The following CCDC6 variants were observed in gnomAD, a reference collection of about 807,000 sequenced individuals.
CCDC6 encodes coiled-coil domain containing 6.
Under a neutral mutation model 56.6 loss-of-function variants are expected in CCDC6, and 20 were observed. The observed-to-expected ratio is 0.35, with a 90% CI of 0.25 to 0.51. The LOEUF (loss-of-function observed/expected upper bound fraction) is 0.51, where lower values mean the gene tolerates loss of function less well. Ranked by LOEUF, CCDC6 falls within the 20% of genes least tolerant of loss-of-function variation. CCDC6 has a pLI of 0.95. For missense variants in CCDC6, 367 were observed against 601.1 expected, an observed-to-expected ratio of 0.61 and a Z score of 4.07; for synonymous variants, 241 against 234.4, an observed-to-expected ratio of 1.03 and a Z score of -0.26.
At chr10:59,810,492 G>A (rs758753453) in intron 5 of CCDC6, among the ~76,000 whole-genome samples, 16 of 152,108 alleles carry the variant, frequency 1.1e-4, no homozygotes, top group Non-Finnish European at 1.3e-4. Context: ...GTATAAAGGA[G>A]GAGGAAAAAT....
chr10:59,806,422 T>TA (rs1339212642), intron 6 of CCDC6: 3 of 152,448 alleles, frequency 2.0e-5, no homozygotes, highest in Admixed American at 1.3e-4. Flanking sequence ...TATTTTTTTT[T>TA]AAGTGGCTAC....
chr10:59,859,186 ATAC>A (rs1421771468), intron 1 of CCDC6, among the ~76,000 whole-genome samples: 3 of 117,542 alleles, frequency 2.6e-5, no homozygotes, highest in African/African-American at 1.2e-4. Flanking sequence ...GGAAAAAAAA[ATAC>A]ATGTGTGTGC....
rs141839395 is a variant in CCDC6 at position 59,897,136 on chromosome 10, A to C, written c.303+8986T>G. Reference sequence around the variant, plus strand: ...GGCTACTAAATGAAGTGAAGACACGATGTTTTGACTCAACGGATGTCTTTG... The same window carrying C: ...GGCTACTAAATGAAGTGAAGACACGCTGTTTTGACTCAACGGATGTCTTTG... On this transcript the variant is annotated intron_variant, in intron 1 of 8. Transcript: ENST00000263102. Among the ~76,000 whole-genome samples, 25 of 152,306 alleles carry C rather than the reference A, an allele frequency of 1.6e-4. No individual in the cohort carries two copies. The East Asian group carries it at 4.6e-3, about 28-fold the overall frequency.
intron 1 of CCDC6, among the ~76,000 whole-genome samples, chr10:59,862,246 T>C (rs994627571): frequency 1.3e-5 from 2 of 151,914 alleles, no homozygotes; most frequent in Non-Finnish European, 2.9e-5. Context: ...CAGCACTGTG[T>C]GACCCCGAGG....
At position 59,794,494 on chromosome 10, in the gene CCDC6, C is replaced by A. The variant is rs768625365; in HGVS notation, c.1209G>T (p.Met403Ile). The A allele has an allele frequency of 1.2e-6, 2 of 1,614,148 alleles. No individual in the cohort carries two copies. The highest frequency in any genetic ancestry group is 2.2e-5 in the South Asian group (2 of 91,070). Residue 403 changes from methionine to isoleucine, a missense_variant, in exon 8 of 9, where the codon ATG becomes ATT. Met to Ile is a conservative substitution (Grantham distance 10, BLOSUM62 1). This residue lies in a region of CCDC6 where 79 missense variants were observed against 83.9 expected (regional missense o/e 0.94). Coordinates refer to ENST00000263102, the MANE Select transcript of CCDC6 (RefSeq NM_005436.5). ...TTACTGTGATACCATGGGATGTTCC[C>A]ATGTGCTGCACGTGAAGACCCGGGG... ...YNSPGLHVQH[M>I]GTSHGITRPS...
chr10:59,840,833 GA>G (rs2070931508), intron 2 of CCDC6, among the ~76,000 whole-genome samples: 1 of 152,074 alleles, frequency 6.6e-6, no homozygotes, highest in Admixed American at 6.5e-5. Context: ...AATGTACCCA[GA>G]ATCCAAAGTT....
chr10:59,854,674 C>G (rs2071066493), intron 1 of CCDC6, among the ~76,000 whole-genome samples: 1 of 152,176 alleles, frequency 6.6e-6, no homozygotes, highest in South Asian at 2.1e-4. Flanking sequence ...TTCTCCTCCC[C>G]CTTTAAATCA....
chr10:59,812,125 C>A (rs2070678330), intron 5 of CCDC6, among the ~76,000 whole-genome samples: 1 of 147,640 alleles, frequency 6.8e-6, no homozygotes, highest in African/African-American at 2.5e-5. Context: ...GGGACATAAT[C>A]AAATATTCAG....
chr10:59,823,028 G>A (rs1231493413), intron 3 of CCDC6, among the ~76,000 whole-genome samples: 2 of 152,132 alleles, frequency 1.3e-5, no homozygotes, highest in Non-Finnish European at 2.9e-5. Flanking sequence ...GACTTCAGGG[G>A]AAGATTACCT....
chr10:59,900,518 G>A (rs747707197), intron 1 of CCDC6, among the ~76,000 whole-genome samples: 22 of 152,202 alleles, frequency 1.4e-4, no homozygotes, highest in Non-Finnish European at 2.9e-4. Context: ...AGGTGTGGCT[G>A]TGAAGCAAGC....
At chr10:59,847,998 C>T (rs549537149) in intron 2 of CCDC6, among the ~76,000 whole-genome samples, 11 of 152,106 alleles carry the variant, frequency 7.2e-5, no homozygotes, top group African/African-American at 2.2e-4. Context: ...GGTACTCCAG[C>T]GCCCTCCCAC....
chr10:59,878,941 G>A (rs746609503), intron 1 of CCDC6, among the ~76,000 whole-genome samples: 1 of 152,190 alleles, frequency 6.6e-6, no homozygotes, highest in Non-Finnish European at 1.5e-5. Flanking sequence ...TGTGCTTGGA[G>A]GGAAGGGATA....
At chr10:59,849,868 G>C (rs1041739822) in intron 2 of CCDC6, among the ~76,000 whole-genome samples, 2 of 152,148 alleles carry the variant, frequency 1.3e-5, no homozygotes, top group Non-Finnish European at 2.9e-5. Flanking sequence ...ATGGAAAACA[G>C]TATTTCCATG....
At chr10:59,811,997 A>G (rs931447452) in intron 5 of CCDC6, among the ~76,000 whole-genome samples, 5 of 151,722 alleles carry the variant, frequency 3.3e-5, no homozygotes, top group Non-Finnish European at 7.4e-5. Flanking sequence ...AATGAGAGAA[A>G]GACCCATTTT....
chr10:59,899,668 C>T (rs1486853771), intron 1 of CCDC6, among the ~76,000 whole-genome samples: 3 of 152,184 alleles, frequency 2.0e-5, no homozygotes, highest in African/African-American at 4.8e-5. Flanking sequence ...ATAGGAAACA[C>T]CTGGAATGAT....
At chr10:59,832,281 A>C (rs1363611266) in intron 3 of CCDC6, among the ~76,000 whole-genome samples, 1 of 152,234 alleles carries the variant, frequency 6.6e-6, no homozygotes, top group East Asian at 1.9e-4. Context: ...TCCTGCTATA[A>C]ATCAGTACAT....
chr10:59,890,409 G>C (rs1475568679), intron 1 of CCDC6, among the ~76,000 whole-genome samples: 1 of 152,166 alleles, frequency 6.6e-6, no homozygotes, highest in Non-Finnish European at 1.5e-5. Context: ...TGCCAAGGAG[G>C]GGATGCTGCG....
At chr10:59,887,868 G>A (rs1429554070) in intron 1 of CCDC6, among the ~76,000 whole-genome samples, 3 of 152,052 alleles carry the variant, frequency 2.0e-5, no homozygotes, top group Non-Finnish European at 4.4e-5. Flanking sequence ...ACCCTAGCCT[G>A]GATGTGAGGC....
intron 1 of CCDC6, among the ~76,000 whole-genome samples, chr10:59,869,801 T>G (rs899554940): frequency 6.6e-5 from 10 of 152,156 alleles, no homozygotes; most frequent in Non-Finnish European, 1.2e-4. Flanking sequence ...CTGGATCATC[T>G]ACCGGCCCTC....
Sources: allele counts gnomAD v4.1 joint callset (sites outside exome capture counted in the v4.1 genomes callset), GRCh38; gene constraint gnomAD v4.1.1; regional missense constraint gnomAD v4.1.1; transcripts MANE v1.5; gene names NCBI Gene and HGNC (gene_info 2026-07-23, HGNC 2026-07-21).